CAST: variants seen among roughly 807,000 people sequenced by gnomAD.
CAST encodes the protein MIR583 host.
A neutral mutation model predicts 119.6 loss-of-function variants in CAST; 76 were observed. That is an observed-to-expected ratio of 0.64 (90% confidence interval 0.53 to 0.77). The LOEUF is 0.77. CAST is among the 30% of genes least tolerant of loss of function. The pLI is 0.00. For synonymous variants in CAST, 319 were observed against 331.6 expected (o/e 0.96, Z 0.41); for missense variants, 953 against 946.5 (o/e 1.01, Z -0.09).
At chr5:96,468,921 T>C in the CAST span, among the ~76,000 whole-genome samples, 1 of 152,090 alleles carries the variant, frequency 6.6e-6, no homozygotes, top group Non-Finnish European at 1.5e-5. Flanking sequence ...AATAGTTGCC[T>C]TTGAGCTTTA....
At chr5:96,648,839 A>G (rs1340378122) in intron 1 of CAST, among the ~76,000 whole-genome samples, 1 of 152,072 alleles carries the variant, frequency 6.6e-6, no homozygotes, top group African/African-American at 2.4e-5. Context: ...CCTAGCTCTG[A>G]GACGCCTACT....
chr5:96,429,722 C>T, the CAST span, among the ~76,000 whole-genome samples: 2 of 152,226 alleles, frequency 1.3e-5, no homozygotes, highest in African/African-American at 4.8e-5. Context: ...TTTTCTGTTC[C>T]TGTGTTAGTT....
chr5:96,748,939 AT>A (rs1326533175), intron 19 of CAST, among the ~76,000 whole-genome samples: 2 of 152,106 alleles, frequency 1.3e-5, no homozygotes, highest in African/African-American at 4.8e-5. Context: ...AGTCTCCTTC[AT>A]GTCCGCCGGA....
chr5:96,406,233 C>T, the CAST span, among the ~76,000 whole-genome samples: 5 of 152,162 alleles, frequency 3.3e-5, no homozygotes, highest in Non-Finnish European at 7.3e-5. Context: ...CCGAAGGCCA[C>T]ATAGCTAGTG....
At chr5:96,356,749 T>C in the CAST span, among the ~76,000 whole-genome samples, 1 of 152,342 alleles carries the variant, frequency 6.6e-6, no homozygotes, top group African/African-American at 2.4e-5. Context: ...GTAGTATAGT[T>C]TGAAGTCAGG....
At chr5:96,562,021 T>C (rs1746381841) in intron 1 of CAST, among the ~76,000 whole-genome samples, 1 of 150,982 alleles carries the variant, frequency 6.6e-6, no homozygotes, top group Non-Finnish European at 1.5e-5. Context: ...CTCGATCTCC[T>C]GACCTCGTGA....
At chr5:96,658,874 A>C (rs749531357), upstream of CAST, among the ~76,000 whole-genome samples, 1 of 152,218 alleles carries the variant, frequency 6.6e-6, no homozygotes, top group African/African-American at 2.4e-5. Flanking sequence ...AGTTGTGTGG[A>C]TCTAAAACTC....
the CAST span, among the ~76,000 whole-genome samples, chr5:96,313,736 T>G: frequency 2.0e-5 from 3 of 152,314 alleles, no homozygotes; most frequent in Admixed American, 6.5e-5. Context: ...CAGCAATATA[T>G]AAACATTCAA....
At chr5:96,183,431 C>T in the CAST span, among the ~76,000 whole-genome samples, 1 of 151,494 alleles carries the variant, frequency 6.6e-6, no homozygotes, top group Non-Finnish European at 1.5e-5. Flanking sequence ...ATTTTGGGAG[C>T]CAATATATTT....
chr5:96,031,218 T>C, the CAST span, among the ~76,000 whole-genome samples: 1 of 144,934 alleles, frequency 6.9e-6, no homozygotes, highest in Admixed American at 7.0e-5. Flanking sequence ...CTTTTTCTTT[T>C]CCCAGAACAT....
the CAST span, among the ~76,000 whole-genome samples, chr5:95,990,294 C>G: frequency 1.3e-5 from 2 of 151,920 alleles, no homozygotes; most frequent in African/African-American, 2.4e-5. Context: ...TGTGAGCTCA[C>G]TTAGTTTAAA....
the CAST span, among the ~76,000 whole-genome samples, chr5:96,460,471 A>G: frequency 6.6e-6 from 1 of 152,010 alleles, no homozygotes; most frequent in African/African-American, 2.4e-5. Context: ...GGTGCAGCAA[A>G]CCACCATGCA....
chr5:96,369,262 T>G, the CAST span, among the ~76,000 whole-genome samples: 3 of 152,048 alleles, frequency 2.0e-5, no homozygotes, highest in Non-Finnish European at 4.4e-5. Flanking sequence ...CATTTTTTAT[T>G]CTCCAAATTA....
chr5:96,627,386 C>A (rs1747744128), intron 1 of CAST, among the ~76,000 whole-genome samples: 1 of 152,136 alleles, frequency 6.6e-6, no homozygotes, highest in Non-Finnish European at 1.5e-5. Flanking sequence ...ATTTAAAAGA[C>A]CTTTTATGTA....
At chr5:96,243,333 G>A in the CAST span, among the ~76,000 whole-genome samples, 1 of 147,192 alleles carries the variant, frequency 6.8e-6, no homozygotes, top group South Asian at 2.1e-4. Context: ...TTACCAAGCT[G>A]TTACAAGAGA....
chr5:96,291,854 G>GTA, the CAST span, among the ~76,000 whole-genome samples: 1,843 of 148,238 alleles, frequency 0.012, 15 homozygotes, highest in Non-Finnish European at 0.018. Flanking sequence ...GTGTGTGTGT[G>GTA]TGTGTGTGTG....
chr5:96,660,296 A>T (rs1748247302), upstream of CAST, among the ~76,000 whole-genome samples: 1 of 151,390 alleles, frequency 6.6e-6, no homozygotes, highest in Non-Finnish European at 1.5e-5. Context: ...GGAACCCCAA[A>T]CTCCCAAAAC....
the CAST span, among the ~76,000 whole-genome samples, chr5:96,250,490 C>T: frequency 1.3e-5 from 2 of 152,136 alleles, no homozygotes; most frequent in Admixed American, 1.3e-4. Flanking sequence ...CAACAGGGTG[C>T]AGCCTCCTGA....
the CAST span, among the ~76,000 whole-genome samples, chr5:96,054,285 A>G: frequency 6.6e-6 from 1 of 152,112 alleles, no homozygotes; most frequent in African/African-American, 2.4e-5. Context: ...TCTGTTGCCC[A>G]GACTGGAGTG....
Sources: gnomAD v4.1 joint callset for allele counts (sites outside exome capture counted in the v4.1 genomes callset) on GRCh38, gnomAD v4.1.1 for gene constraint, MANE v1.5 for transcripts, NCBI Gene and HGNC (gene_info 2026-07-23, HGNC 2026-07-21) for gene names.